The following WDFY3 variants were observed in gnomAD, a reference collection of about 807,000 sequenced individuals.
WDFY3 encodes the protein WD repeat and FYVE domain-containing protein 3.
A neutral mutation model predicts 409.6 loss-of-function variants in WDFY3; 66 were observed. The observed-to-expected ratio is 0.16, with a 90% confidence interval of 0.13 to 0.20. The LOEUF (loss-of-function observed/expected upper bound fraction) is 0.20. Ranked by LOEUF, WDFY3 falls within the 10% of genes least tolerant of loss-of-function variation. The pLI is 1.00. For synonymous variants in WDFY3, 1,521 were observed against 1,537.1 expected, an observed-to-expected ratio of 0.99 and a Z score of 0.25; for missense variants, 3,031 against 4,298.1, an observed-to-expected ratio of 0.71 and a Z score of 8.24.
intron 45 of WDFY3, among the ~76,000 whole-genome samples, chr4:84,724,803 CAAT>C (rs1303931661): frequency 1.3e-5 from 2 of 152,086 alleles, no homozygotes; most frequent in African/African-American, 2.4e-5. Flanking sequence ...CATAAAACAA[CAAT>C]ATTAGCAGCT....
chr4:84,745,909 G>T (rs1204273815), intron 36 of WDFY3, among the ~76,000 whole-genome samples: 1 of 152,038 alleles, frequency 6.6e-6, no homozygotes, highest in Non-Finnish European at 1.5e-5. Context: ...AGTTCCAGGA[G>T]GCTTTCCTTA....
At chr4:84,960,562 T>C (rs567873065) in intron 1 of WDFY3, among the ~76,000 whole-genome samples, 2 of 152,354 alleles carry the variant, frequency 1.3e-5, no homozygotes, top group South Asian at 4.1e-4. Context: ...AACAAACATC[T>C]TTCATTATTA....
Position 84,766,309 on chromosome 4 carries a change from A to G in WDFY3, c.4913T>C (p.Leu1638Pro). Residue 1638 changes from leucine (L) to proline (P), a missense_variant, in exon 31 of 68, where the codon CTG becomes CCG. Leu to Pro is a moderately conservative substitution (Grantham distance 98). Transcript: ENST00000295888. ...ATAAATTAGTTTTAGCAAGATATCC[A>G]GAAGTCTGTTCCTCAAAAGTATAAG... ...ANLILLRNRL[L>P]DILLKLIYTS... 6.2e-7 allele frequency: 1 copy of G among 1,602,210 alleles called. No individual in the cohort carries two copies. Among genetic ancestry groups the G allele is most frequent in the Non-Finnish European group, 8.5e-7 (1 of 1,175,834 alleles).
At chr4:84,837,545 G>T (rs1477762901) in intron 6 of WDFY3, among the ~76,000 whole-genome samples, 1 of 152,032 alleles carries the variant, frequency 6.6e-6, no homozygotes, top group Non-Finnish European at 1.5e-5. Flanking sequence ...TATATTCATT[G>T]CTGCTTTACT....
intron 4 of WDFY3, among the ~76,000 whole-genome samples, chr4:84,855,329 G>A (rs1325777659): frequency 6.6e-6 from 1 of 152,118 alleles, no homozygotes; most frequent in Non-Finnish European, 1.5e-5. Context: ...CTCAAACTGT[G>A]CATGAACCCT....
chr4:84,964,673 C>A (rs1183862918), intron 1 of WDFY3, among the ~76,000 whole-genome samples: 1 of 151,966 alleles, frequency 6.6e-6, no homozygotes, highest in African/African-American at 2.4e-5. Flanking sequence ...GGAGGTGATA[C>A]AAATTTTTTG....
intron 26 of WDFY3, among the ~76,000 whole-genome samples, chr4:84,779,429 T>C (rs1191512982): frequency 6.6e-6 from 1 of 152,138 alleles, no homozygotes; most frequent in Non-Finnish European, 1.5e-5. Context: ...CTGCTTTTTT[T>C]TTTTTTTGAG....
At chr4:84,722,564 AATTTGCAG>A (rs1400006925) in intron 46 of WDFY3, among the ~76,000 whole-genome samples, 1 of 152,212 alleles carries the variant, frequency 6.6e-6, no homozygotes, top group African/African-American at 2.4e-5. Flanking sequence ...CATATAATGT[AATTTGCAG>A]ATTAAGGAAA....
At chr4:84,806,592 T>C (rs1269493624) in intron 15 of WDFY3, among the ~76,000 whole-genome samples, 4 of 149,744 alleles carry the variant, frequency 2.7e-5, no homozygotes, top group Admixed American at 2.6e-4. Flanking sequence ...CAAATTACCA[T>C]TTCAATAAAT....
At chr4:84,757,266 G>T in intron 32 of WDFY3, 105 bp from the exon 33 acceptor site, 1 of 991,786 alleles carries the variant, frequency 1.0e-6, no homozygotes, top group Non-Finnish European at 1.5e-6. Flanking sequence ...TTTCTATCCA[G>T]AACATTCATA....
At chr4:84,675,831 G>C (rs868526262) in intron 67 of WDFY3, among the ~76,000 whole-genome samples, 1 of 152,270 alleles carries the variant, frequency 6.6e-6, no homozygotes, top group South Asian at 2.1e-4. Context: ...TGGGACCCAG[G>C]TGTAGGACAG....
intron 7 of WDFY3, among the ~76,000 whole-genome samples, chr4:84,832,874 C>T (rs1011964490): frequency 3.3e-5 from 5 of 150,832 alleles, no homozygotes; most frequent in Middle Eastern, 3.2e-3. Context: ...TTGCCACTGG[C>T]GAAATGTAAT....
At chr4:84,861,011 G>C (rs1359307850) in intron 3 of WDFY3, among the ~76,000 whole-genome samples, 1 of 152,108 alleles carries the variant, frequency 6.6e-6, no homozygotes, top group East Asian at 1.9e-4. Context: ...AGGAGCTCGA[G>C]ACCAGCCTGG....
At chr4:84,838,604 T>TGA (rs1756912412) in intron 6 of WDFY3, among the ~76,000 whole-genome samples, 1 of 152,094 alleles carries the variant, frequency 6.6e-6, no homozygotes, top group Non-Finnish European at 1.5e-5. Context: ...AATAGTAGGG[T>TGA]GATGAAGAGA....
intron 17 of WDFY3, among the ~76,000 whole-genome samples, chr4:84,798,959 C>G (rs1163696012): frequency 6.6e-6 from 1 of 152,166 alleles, no homozygotes; most frequent in Non-Finnish European, 1.5e-5. Flanking sequence ...CTGTACTCTC[C>G]AGCTTCACTG....
At chr4:84,895,061 C>T (rs1765455872) in intron 3 of WDFY3, among the ~76,000 whole-genome samples, 1 of 150,882 alleles carries the variant, frequency 6.6e-6, no homozygotes. Context: ...AAATGTAAAA[C>T]TCAGGTTAGC....
intron 3 of WDFY3, chr4:84,879,509 T>C (rs1014579553): frequency 5.9e-5 from 9 of 152,128 alleles, no homozygotes; most frequent in East Asian, 1.9e-4. Context: ...AGACATTAAT[T>C]TGAAAAGCAA....
chr4:84,684,139 GAA>G lies in WDFY3; in HGVS notation c.9544-16_9544-15del, dbSNP rs756014577. The G allele has an allele frequency of 2.0e-6, 3 of 1,528,990 alleles. No homozygotes were observed. Among genetic ancestry groups the G allele is most frequent in the Non-Finnish European group, 2.7e-6 (3 of 1,125,330 alleles). The allele number at this position is 1,528,990 out of a possible 1,614,324, so 94.7% of individuals were successfully genotyped here. On this transcript the variant is annotated splice_polypyrimidine_tract_variant and intron_variant, in intron 62 of 67. Coordinates refer to ENST00000295888, the MANE Select transcript of WDFY3 (RefSeq NM_014991.6). The stretch of plus-strand genomic sequence containing the variant: ...CACAATGTCCCCCTGAGAAGAGAGA[GAA>G]AAACGTCATTCTCTTTGCTCCCTTC...
intron 13 of WDFY3, among the ~76,000 whole-genome samples, chr4:84,812,325 CTT>C (rs1752635998): frequency 6.6e-6 from 1 of 152,040 alleles, no homozygotes; most frequent in Non-Finnish European, 1.5e-5. Context: ...TAACAAAAGA[CTT>C]AACACAGACA....
Sources: allele counts gnomAD v4.1 joint callset (sites outside exome capture counted in the v4.1 genomes callset), GRCh38; gene constraint gnomAD v4.1.1; transcripts MANE v1.5; gene names NCBI Gene and HGNC (gene_info 2026-07-23, HGNC 2026-07-21).